The following COG5 variants were observed in gnomAD, a reference collection of about 807,000 sequenced individuals.
COG5 encodes the protein component of oligomeric golgi complex 5.
In COG5, 86 loss-of-function variants were observed where a neutral mutation model predicts 110.4. That is an observed-to-expected ratio of 0.78 (90% CI 0.65 to 0.93). COG5 has a LOEUF of 0.93. COG5 is among the 40% of genes least tolerant of loss of function. The pLI is 0.00. For missense variants in COG5, 1,077 were observed against 987.0 expected, an observed-to-expected ratio of 1.09 and a Z score of -1.22; for synonymous variants, 360 against 334.6, an observed-to-expected ratio of 1.08 and a Z score of -0.83.
At chr7:107,215,122 T>G (rs955754420) in intron 19 of COG5, among the ~76,000 whole-genome samples, 2 of 152,096 alleles carry the variant, frequency 1.3e-5, no homozygotes, top group African/African-American at 4.8e-5. Context: ...GGAAGCCTCA[T>G]GGTAAGTACA....
rs962212529 is a variant in COG5, at chr7:107,513,381, T to C, written c.538+13856A>G. On this transcript the variant is annotated intron_variant, in intron 6 of 21. Coordinates refer to ENST00000297135, the MANE Select transcript of COG5 (RefSeq NM_006348.5). ...TCACACCAGTTAGAATGGCGATCAT[T>C]AAAAAGTCAGGAAACAACAGGTGCT... 1.0e-3 allele frequency among the ~76,000 whole-genome samples: 154 copies of C among 152,074 alleles called. 1 individual carries two copies. The highest frequency in any genetic ancestry group is 1.8e-3 in the Non-Finnish European group (121 of 67,946).
At chr7:107,415,179 G>A (rs1303797306) in intron 6 of COG5, among the ~76,000 whole-genome samples, 1 of 152,212 alleles carries the variant, frequency 6.6e-6, no homozygotes, top group Non-Finnish European at 1.5e-5. Flanking sequence ...CTAGATGAAT[G>A]AGGAATGCAC....
chr7:107,351,630 C>A (rs1053113724), intron 10 of COG5, among the ~76,000 whole-genome samples: 2 of 152,034 alleles, frequency 1.3e-5, no homozygotes, highest in Admixed American at 6.5e-5. Context: ...AACAAACAAC[C>A]CCATCAAAAA....
At chr7:107,482,751 AC>A (rs1270442286) in intron 6 of COG5, among the ~76,000 whole-genome samples, 2 of 152,140 alleles carry the variant, frequency 1.3e-5, no homozygotes, top group African/African-American at 4.8e-5. Flanking sequence ...TCCTTTAAAA[AC>A]CATATACTCT....
At chr7:107,265,402 C>G (rs1460310316) in intron 14 of COG5, among the ~76,000 whole-genome samples, 1 of 152,036 alleles carries the variant, frequency 6.6e-6, no homozygotes, top group East Asian at 1.9e-4. Flanking sequence ...CTCAGCTTCC[C>G]GAGTAGCTGG....
chr7:107,508,187 GC>G (rs1356547795), intron 6 of COG5, among the ~76,000 whole-genome samples: 2 of 152,228 alleles, frequency 1.3e-5, no homozygotes, highest in Non-Finnish European at 2.9e-5. Context: ...CCCTAATACT[GC>G]ACTTTTCCAA....
intron 14 of COG5, among the ~76,000 whole-genome samples, chr7:107,275,510 G>A (rs1438121281): frequency 4.0e-5 from 6 of 151,488 alleles, no homozygotes; most frequent in Admixed American, 6.6e-5. Context: ...TATATGGGGT[G>A]ATAATCCATG....
rs1171649751 is a variant in COG5 at position 107,415,834 on chromosome 7, ATGTGTGTG to A, written c.539-3210_539-3203del. Among the ~76,000 whole-genome samples the A allele has an allele frequency of 1.5e-4, 12 of 80,064 alleles. 1 individual carries two copies. Among genetic ancestry groups the A allele is most frequent in the Non-Finnish European group, 3.2e-4 (12 of 38,058 alleles). The allele number at this position is 80,064 out of a possible 152,430, so 52.5% of individuals were successfully genotyped here. A position where few individuals can be genotyped will look rare whatever the true frequency, so the allele number is the denominator to read the frequency against. ...TATACACACATACACGTATGTATGTATGTGTGTGTATATATACACACACATACACGTAT... is the reference window on the plus strand; with the variant it reads ...TATACACACATACACGTATGTATGTATATATATACACACACATACACGTAT... On this transcript the variant is annotated intron_variant, in intron 6 of 21. Transcript: ENST00000297135.
chr7:107,360,667 G>A (rs1363484229), intron 10 of COG5, among the ~76,000 whole-genome samples: 1 of 152,162 alleles, frequency 6.6e-6, no homozygotes, highest in Non-Finnish European at 1.5e-5. Flanking sequence ...TAGTACATCT[G>A]ATCCAGCTGC....
intron 6 of COG5, among the ~76,000 whole-genome samples, chr7:107,488,388 A>C (rs1321691801): frequency 6.6e-6 from 1 of 152,170 alleles, no homozygotes; most frequent in Non-Finnish European, 1.5e-5. Context: ...GATTGAGACT[A>C]AGTTGTTGAC....
chr7:107,223,752 G>C (rs2116332492), intron 19 of COG5, among the ~76,000 whole-genome samples: 1 of 152,322 alleles, frequency 6.6e-6, no homozygotes, highest in Non-Finnish European at 1.5e-5. Context: ...GTGGTTACAA[G>C]CACAGGCTTT....
At chr7:107,332,039 C>T (rs945085000) in intron 10 of COG5, among the ~76,000 whole-genome samples, 11 of 151,836 alleles carry the variant, frequency 7.2e-5, no homozygotes, top group Non-Finnish European at 1.2e-4. Context: ...AGTAGAGATG[C>T]GGTTTCGCCA....
intron 7 of COG5, among the ~76,000 whole-genome samples, chr7:107,379,808 T>G (rs184594920): frequency 8.5e-5 from 13 of 152,202 alleles, no homozygotes; most frequent in Admixed American, 8.5e-4. Flanking sequence ...ACAAAGAGAC[T>G]TAGACTCCCA....
chr7:107,362,476 T>C (rs974678508), intron 8 of COG5, 56 bp from the exon 9 acceptor site: 3 of 999,874 alleles, frequency 3.0e-6, no homozygotes, highest in African/African-American at 3.3e-5. Context: ...GGCAAATATA[T>C]ATATATATGT....
At chr7:107,355,492 T>C (rs1231845405) in intron 10 of COG5, among the ~76,000 whole-genome samples, 1 of 152,202 alleles carries the variant, frequency 6.6e-6, no homozygotes, top group African/African-American at 2.4e-5. Flanking sequence ...AGTAGCTTTA[T>C]TCATAACTGG....
At chr7:107,204,888 G>A (rs190244068) in intron 21 of COG5, among the ~76,000 whole-genome samples, 49 of 152,204 alleles carry the variant, frequency 3.2e-4, no homozygotes, top group African/African-American at 1.2e-3. Context: ...AAAAAATTGG[G>A]GCAGCGTTCT....
chr7:107,491,649 A>G (rs1295992443), intron 6 of COG5, among the ~76,000 whole-genome samples: 4 of 152,160 alleles, frequency 2.6e-5, no homozygotes, highest in Non-Finnish European at 5.9e-5. Flanking sequence ...AAAGCAAACT[A>G]CCCTCAACAA....
At chr7:107,413,418 T>A (rs965446323) in intron 6 of COG5, among the ~76,000 whole-genome samples, 4 of 152,196 alleles carry the variant, frequency 2.6e-5, no homozygotes, top group African/African-American at 9.6e-5. Context: ...CATGCTAGAT[T>A]TGCAGTACAA....
At chr7:107,275,277 A>AC (rs1804611192) in intron 14 of COG5, among the ~76,000 whole-genome samples, 1 of 150,306 alleles carries the variant, frequency 6.7e-6, no homozygotes, top group African/African-American at 2.5e-5. Flanking sequence ...AAATAGTGAG[A>AC]ACCCCATCTC....
Sources: gnomAD v4.1 joint callset for allele counts (sites outside exome capture counted in the v4.1 genomes callset) on GRCh38, gnomAD v4.1.1 for gene constraint, MANE v1.5 for transcripts, NCBI Gene and HGNC (gene_info 2026-07-23, HGNC 2026-07-21) for gene names.